TENM1: variants seen among roughly 807,000 people sequenced by gnomAD.
TENM1 encodes the protein teneurin-1.
Under a neutral mutation model 174.8 loss-of-function variants are expected in TENM1, and 35 were observed. The ratio of observed to expected loss-of-function variants is 0.20; its 90% CI spans 0.15 to 0.27. The LOEUF is 0.27. Ranked by LOEUF, TENM1 falls within the 10% of genes least tolerant of loss-of-function variation. TENM1 has a pLI of 1.00. For synonymous variants in TENM1, 781 were observed against 798.7 expected (o/e 0.98, Z 0.37); for missense variants, 1,633 against 2,130.1 (o/e 0.77, Z 4.59).
the TENM1 span, among the ~76,000 whole-genome samples, chrX:125,100,497 T>C: frequency 8.9e-6 from 1 of 112,345 alleles, no homozygotes; most frequent in Non-Finnish European, 1.9e-5. Context: ...TCATAATGTA[T>C]TTCTAGTCTT....
At chrX:124,538,658 C>G (rs952424167) in intron 15 of TENM1, among the ~76,000 whole-genome samples, 4 of 111,316 alleles carry the variant, frequency 3.6e-5, no homozygotes, top group Non-Finnish European at 7.5e-5. Flanking sequence ...AGGTCTTTAA[C>G]AAATAGATTC....
At chrX:125,159,764 A>C in the TENM1 span, among the ~76,000 whole-genome samples, 1 of 112,196 alleles carries the variant, frequency 8.9e-6, no homozygotes, top group South Asian at 3.7e-4. Flanking sequence ...TTCTTTCTTT[A>C]AATAAAGAAT....
intron 6 of TENM1, among the ~76,000 whole-genome samples, chrX:124,658,285 C>T (rs12011454): frequency 0.03 from 3,323 of 111,367 alleles, 126 homozygotes; most frequent in African/African-American, 0.1. Flanking sequence ...ATTACACATG[C>T]TTTTGTATCC....
At chrX:124,659,907 G>C (rs2051548129) in intron 6 of TENM1, among the ~76,000 whole-genome samples, 1 of 110,950 alleles carries the variant, frequency 9.0e-6, no homozygotes, top group Non-Finnish European at 1.9e-5. Flanking sequence ...AATGATACTG[G>C]AACAACTGGA....
At chrX:125,096,379 T>G in the TENM1 span, among the ~76,000 whole-genome samples, 1 of 105,762 alleles carries the variant, frequency 9.5e-6, no homozygotes, top group East Asian at 3.4e-4. Context: ...TTTGCTTTAA[T>G]AAATATGTAT....
intron 22 of TENM1, among the ~76,000 whole-genome samples, chrX:124,454,348 G>A (rs1283306110): frequency 1.9e-5 from 2 of 106,701 alleles, no homozygotes; most frequent in African/African-American, 6.9e-5. Context: ...TTAAAACTAG[G>A]ACCATCCTTG....
the TENM1 span, among the ~76,000 whole-genome samples, chrX:125,081,557 A>T: frequency 9.0e-6 from 1 of 111,222 alleles, no homozygotes; most frequent in South Asian, 3.7e-4. Flanking sequence ...TATCTCACAC[A>T]GACTCAATCA....
chrX:124,536,029 T>C (rs1004171708), intron 15 of TENM1, among the ~76,000 whole-genome samples: 1 of 111,843 alleles, frequency 8.9e-6, no homozygotes, highest in Non-Finnish European at 1.9e-5. Flanking sequence ...GATGAAATGA[T>C]TAGTCTTCAA....
In TENM1 at chrX:124,626,945, T is replaced by C. The variant is rs183812508; in HGVS notation, c.2077+14846A>G. Among the ~76,000 whole-genome samples the C allele has an allele frequency of 3.1e-3, 352 of 112,692 alleles. 1 individual carries two copies. The highest frequency in any genetic ancestry group is 0.011 in the African/African-American group (329 of 31,070). On this transcript the variant is annotated intron_variant, in intron 11 of 31. Coordinates refer to ENST00000422452, the Ensembl canonical transcript of TENM1. ...AACATTATAGATTTTACTTGCTGCA[T>C]AGGACTATTGACTAGGATTAGATTC... is the stretch of plus-strand genomic sequence containing the variant.
At chrX:124,808,967 A>G (rs1254510379) in intron 3 of TENM1, among the ~76,000 whole-genome samples, 1 of 111,906 alleles carries the variant, frequency 8.9e-6, no homozygotes, top group Non-Finnish European at 1.9e-5. Context: ...GGCAGAAGGA[A>G]GGGAATAATA....
chrX:124,674,253 G>C (rs183294238), intron 5 of TENM1, among the ~76,000 whole-genome samples: 1 of 74,904 alleles, frequency 1.3e-5, no homozygotes, highest in East Asian at 4.9e-4. Flanking sequence ...GAAACCTCTT[G>C]TTTGTTTTCT....
chrX:124,400,546 C>G (rs779061887), intron 27 of TENM1, among the ~76,000 whole-genome samples: 1 of 112,219 alleles, frequency 8.9e-6, no homozygotes, highest in South Asian at 3.7e-4. Context: ...ATAATCCTAC[C>G]TGATTTTATA....
chrX:124,857,224 G>C (rs187070931), intron 3 of TENM1, among the ~76,000 whole-genome samples: 1 of 110,209 alleles, frequency 9.1e-6, no homozygotes, highest in African/African-American at 3.3e-5. Flanking sequence ...AATTATCAGC[G>C]GGGAAAAATA....
chrX:124,585,530 C>A, intron 11 of TENM1, among the ~76,000 whole-genome samples: 1 of 111,471 alleles, frequency 9.0e-6, no homozygotes, highest in Non-Finnish European at 1.9e-5. Context: ...GGGACACATT[C>A]AAAGCAGTGT....
chrX:124,814,915 T>C (rs1176201176), intron 3 of TENM1, among the ~76,000 whole-genome samples: 1 of 111,945 alleles, frequency 8.9e-6, no homozygotes, highest in African/African-American at 3.2e-5. Flanking sequence ...GTATTTAACA[T>C]TTTCACTAAA....
At chrX:124,453,228 T>A in intron 23 of TENM1, 109 bp downstream of exon 26, 2 of 783,446 alleles carry the variant, frequency 2.6e-6, no homozygotes, top group Non-Finnish European at 3.6e-6. Context: ...TATCTGGTGT[T>A]ATAACAGATA....
At chrX:124,957,291 T>A (rs1220479665) in intron 1 of TENM1, among the ~76,000 whole-genome samples, 2 of 108,913 alleles carry the variant, frequency 1.8e-5, no homozygotes, top group African/African-American at 3.3e-5. Flanking sequence ...AAAAAAAAAA[T>A]TGGCAGTTTG....
At position 124,473,069 on chromosome X, in the gene TENM1, A is replaced by G. The variant is rs189344216; in HGVS notation, c.3949+8663T>C. The stretch of plus-strand genomic sequence containing the variant: ...GCTGGAGAAGACTGATAAAGCAAAC[A>G]TACTACCTTTTGCTGAAGAGAAACT... On this transcript the variant is annotated intron_variant, in intron 22 of 31. Transcript: ENST00000422452. 4.8e-3 allele frequency among the ~76,000 whole-genome samples: 534 copies of G among 111,989 alleles called. 4 individuals are homozygous for G. The highest frequency in any genetic ancestry group is 0.017 in the African/African-American group (517 of 30,836).
chrX:124,946,927 G>GAA (rs377225365), intron 1 of TENM1, among the ~76,000 whole-genome samples: 4,676 of 78,014 alleles, frequency 0.06, 363 homozygotes, highest in African/African-American at 0.19. Flanking sequence ...CTGTAAAACT[G>GAA]AAAAAAAAAA....
Sources: allele counts gnomAD v4.1 joint callset (sites outside exome capture counted in the v4.1 genomes callset), GRCh38; gene constraint gnomAD v4.1.1; transcripts MANE v1.5; gene names NCBI Gene and HGNC (gene_info 2026-07-23, HGNC 2026-07-21).